GLIS3: variants seen among roughly 807,000 people sequenced by gnomAD.
GLIS3 encodes zinc finger protein GLIS3.
GLIS3 carries 53 observed loss-of-function variants against 78.6 expected under a neutral mutation model. That is an observed-to-expected ratio of 0.67 (90% CI 0.54 to 0.85). The LOEUF is 0.85. GLIS3 is among the 40% of genes least tolerant of loss of function. GLIS3 has a pLI of 0.00. For missense variants in GLIS3, 1,703 were observed against 1,231.1 expected (o/e 1.38, Z -5.74); for synonymous variants, 684 against 509.9 (o/e 1.34, Z -4.60).
the GLIS3 span, among the ~76,000 whole-genome samples, chr9:4,425,767 C>A: frequency 1.3e-5 from 2 of 152,316 alleles, no homozygotes; most frequent in South Asian, 2.1e-4. Flanking sequence ...GCAGGGTAGC[C>A]TGCAATCCCA....
intron 2 of GLIS3, among the ~76,000 whole-genome samples, chr9:4,181,508 C>A (rs1235441311): frequency 1.3e-5 from 2 of 152,202 alleles, no homozygotes; most frequent in Non-Finnish European, 2.9e-5. Context: ...ATCTGTCCTT[C>A]TTGCTTGACC....
the GLIS3 span, among the ~76,000 whole-genome samples, chr9:4,417,661 A>G: frequency 3.9e-5 from 6 of 152,210 alleles, no homozygotes; most frequent in Non-Finnish European, 8.8e-5. Context: ...CTAGGTCAAA[A>G]AAGTGTGCAT....
chr9:3,860,126 T>C (rs1452303987), intron 8 of GLIS3, among the ~76,000 whole-genome samples: 2 of 151,738 alleles, frequency 1.3e-5, no homozygotes, highest in Non-Finnish European at 2.9e-5. Flanking sequence ...ATACAAAATA[T>C]TAGCCGGGTG....
the GLIS3 span, among the ~76,000 whole-genome samples, chr9:4,386,113 G>GT: frequency 6.6e-6 from 1 of 152,110 alleles, no homozygotes; most frequent in South Asian, 2.1e-4. Flanking sequence ...TCCCTTTATT[G>GT]TAACAGCACA....
intron 2 of GLIS3, among the ~76,000 whole-genome samples, chr9:4,325,484 C>T (rs907144566): frequency 6.6e-6 from 1 of 152,112 alleles, no homozygotes; most frequent in African/African-American, 2.4e-5. Flanking sequence ...TTCACTAAGC[C>T]CACTTCCCTC....
At chr9:4,025,537 A>G (rs568265953) in intron 4 of GLIS3, among the ~76,000 whole-genome samples, 3 of 151,866 alleles carry the variant, frequency 2.0e-5, no homozygotes, top group Non-Finnish European at 4.4e-5. Context: ...ACAGGCACCC[A>G]CCACCATGCC....
the GLIS3 span, among the ~76,000 whole-genome samples, chr9:4,419,245 A>C: frequency 1.3e-5 from 2 of 152,168 alleles, no homozygotes; most frequent in Non-Finnish European, 2.9e-5. Flanking sequence ...AACAGCTGCT[A>C]ATCTCTTTTG....
At chr9:3,979,744 T>C (rs1037844010) in intron 4 of GLIS3, among the ~76,000 whole-genome samples, 4 of 152,214 alleles carry the variant, frequency 2.6e-5, no homozygotes, top group Non-Finnish European at 4.4e-5. Flanking sequence ...GCATCAATCT[T>C]GGTCTCTACT....
chr9:4,211,904 G>T (rs1236138033), intron 2 of GLIS3, among the ~76,000 whole-genome samples: 1 of 152,218 alleles, frequency 6.6e-6, no homozygotes, highest in Non-Finnish European at 1.5e-5. Context: ...TTTTCTAAGT[G>T]AAAGAAGCCA....
chr9:4,412,271 T>C, the GLIS3 span, among the ~76,000 whole-genome samples: 2 of 152,198 alleles, frequency 1.3e-5, no homozygotes, highest in Non-Finnish European at 2.9e-5. Flanking sequence ...AATGTGACTT[T>C]GTTACATTTG....
At chr9:4,271,165 G>C (rs2130156204) in intron 2 of GLIS3, among the ~76,000 whole-genome samples, 1 of 152,152 alleles carries the variant, frequency 6.6e-6, no homozygotes, top group East Asian at 1.9e-4. Flanking sequence ...TAGAAAATTA[G>C]GAAAAATATA....
intron 1 of GLIS3, among the ~76,000 whole-genome samples, chr9:4,295,380 T>C (rs1347561366): frequency 6.6e-6 from 1 of 152,170 alleles, no homozygotes; most frequent in Non-Finnish European, 1.5e-5. Flanking sequence ...TTGGTTAGTG[T>C]TTTTCCTTAA....
intron 9 of GLIS3, among the ~76,000 whole-genome samples, chr9:3,852,715 A>T (rs1819511645): frequency 6.6e-6 from 1 of 151,832 alleles, no homozygotes; most frequent in African/African-American, 2.4e-5. Flanking sequence ...ACATCTGGAT[A>T]CCTACCAATT....
At chr9:4,090,664 C>G (rs1829421024) in intron 4 of GLIS3, among the ~76,000 whole-genome samples, 2 of 152,202 alleles carry the variant, frequency 1.3e-5, no homozygotes, top group African/African-American at 4.8e-5. Context: ...AATTATGGCT[C>G]CACCACTTGG....
At chr9:4,356,707 G>A in the GLIS3 span, among the ~76,000 whole-genome samples, 1 of 152,136 alleles carries the variant, frequency 6.6e-6, no homozygotes, top group Non-Finnish European at 1.5e-5. Flanking sequence ...AAATGAAATC[G>A]CATGACTATT....
chr9:4,150,107 T>A (rs1377095414), intron 2 of GLIS3, among the ~76,000 whole-genome samples: 1 of 152,040 alleles, frequency 6.6e-6, no homozygotes, highest in Non-Finnish European at 1.5e-5. Flanking sequence ...CAATAAAAGG[T>A]AAAGAAGAGC....
At chr9:4,335,441 G>C (rs1299206532) in intron 2 of GLIS3, among the ~76,000 whole-genome samples, 1 of 152,164 alleles carries the variant, frequency 6.6e-6, no homozygotes, top group African/African-American at 2.4e-5. Flanking sequence ...AAAAGATCTG[G>C]TAATGCTACT....
intron 2 of GLIS3, among the ~76,000 whole-genome samples, chr9:4,153,040 G>A (rs1454284942): frequency 1.3e-5 from 2 of 152,118 alleles, no homozygotes; most frequent in Non-Finnish European, 2.9e-5. Flanking sequence ...GTAGGATGCT[G>A]AGCAGCATCT....
chr9:3,996,226 C>A (rs1820735779), intron 4 of GLIS3, among the ~76,000 whole-genome samples: 1 of 152,006 alleles, frequency 6.6e-6, no homozygotes, highest in African/African-American at 2.4e-5. Flanking sequence ...ACTGACAGAT[C>A]CTCACTAAAG....
Sources: allele counts gnomAD v4.1 joint callset (sites outside exome capture counted in the v4.1 genomes callset), GRCh38; gene constraint gnomAD v4.1.1; transcripts MANE v1.5; gene names NCBI Gene and HGNC (gene_info 2026-07-23, HGNC 2026-07-21).